The following COL24A1 variants were observed in gnomAD, a reference collection of about 807,000 sequenced individuals.
The protein encoded by COL24A1 is collagen alpha-1(XXIV) chain.
In COL24A1, 224 loss-of-function variants were observed where a neutral mutation model predicts 253.9. The observed-to-expected ratio is 0.88, with a 90% CI of 0.79 to 0.99. COL24A1 has a LOEUF of 0.99. Among genes scored for constraint, COL24A1 ranks in the 50% least tolerant of loss-of-function variants. COL24A1 has a pLI of 0.00. For synonymous variants in COL24A1, 685 were observed against 673.7 expected (o/e 1.02, Z -0.26); for missense variants, 2,131 against 2,068.5 (o/e 1.03, Z -0.59).
chr1:85,861,240 C>T (rs895259042), intron 37 of COL24A1, among the ~76,000 whole-genome samples: 2 of 152,058 alleles, frequency 1.3e-5, no homozygotes, highest in African/African-American at 2.4e-5. Flanking sequence ...TGATATTGAG[C>T]ATCTTTTCAT....
At chr1:85,756,408 G>A (rs1457396240) in intron 55 of COL24A1, among the ~76,000 whole-genome samples, 1 of 151,542 alleles carries the variant, frequency 6.6e-6, no homozygotes, top group Non-Finnish European at 1.5e-5. Flanking sequence ...AACACAGCAA[G>A]AGTCTGTCTC....
chr1:85,892,103 G>A (rs35545564), intron 31 of COL24A1, among the ~76,000 whole-genome samples: 30,034 of 152,016 alleles, frequency 0.2, 3,327 homozygotes, highest in Non-Finnish European at 0.24. Context: ...CAAAGATAGA[G>A]AAACTGAAGC....
At chr1:86,035,859 C>A (rs181983629) in intron 12 of COL24A1, among the ~76,000 whole-genome samples, 1 of 152,158 alleles carries the variant, frequency 6.6e-6, no homozygotes, top group Non-Finnish European at 1.5e-5. Flanking sequence ...TCCCTTGCAT[C>A]CAGTGGGAGA....
intron 24 of COL24A1, among the ~76,000 whole-genome samples, chr1:85,924,793 T>G (rs141607693): frequency 0.015 from 2,293 of 152,270 alleles, 49 homozygotes; most frequent in African/African-American, 0.052. Flanking sequence ...ACCACTCTTA[T>G]TCAGCATAGT....
intron 23 of COL24A1, among the ~76,000 whole-genome samples, chr1:85,961,988 AT>A (rs1691125081): frequency 6.6e-6 from 1 of 152,210 alleles, no homozygotes; most frequent in Non-Finnish European, 1.5e-5. Context: ...TTCTTAAAAA[AT>A]ATTCTCCTAT....
chr1:86,131,157 G>T (rs72945760), intron 2 of COL24A1, among the ~76,000 whole-genome samples: 1 of 152,044 alleles, frequency 6.6e-6, no homozygotes, highest in South Asian at 2.1e-4. Flanking sequence ...TGACTCCGTA[G>T]TTATCAACAT....
chr1:86,134,629 G>C (rs906901289), intron 2 of COL24A1, among the ~76,000 whole-genome samples: 3 of 149,642 alleles, frequency 2.0e-5, no homozygotes, highest in African/African-American at 7.4e-5. Flanking sequence ...TCAGGAGCAG[G>C]TTGTTCAGTT....
At chr1:86,024,839 C>A (rs927915801) in intron 14 of COL24A1, among the ~76,000 whole-genome samples, 2 of 152,096 alleles carry the variant, frequency 1.3e-5, no homozygotes, top group African/African-American at 4.8e-5. Flanking sequence ...AACACACACA[C>A]AAATCTTTCT....
At chr1:86,006,876 C>G (rs565233607) in intron 19 of COL24A1, among the ~76,000 whole-genome samples, 1 of 152,132 alleles carries the variant, frequency 6.6e-6, no homozygotes, top group South Asian at 2.1e-4. Flanking sequence ...AGCATATGAA[C>G]AGATGCTCCA....
chr1:85,855,834 G>A (rs1008968176), intron 37 of COL24A1, among the ~76,000 whole-genome samples: 1 of 152,024 alleles, frequency 6.6e-6, no homozygotes, highest in Non-Finnish European at 1.5e-5. Flanking sequence ...GGGCTTTTCT[G>A]GTTGGTAGGT....
chr1:85,878,953 A>AT (rs999865097), intron 32 of COL24A1, among the ~76,000 whole-genome samples: 9 of 150,976 alleles, frequency 6.0e-5, no homozygotes, highest in South Asian at 2.1e-4. Context: ...TTGAGTTTTA[A>AT]TTTTTTTTTC....
intron 19 of COL24A1, among the ~76,000 whole-genome samples, chr1:86,008,436 G>C (rs982195326): frequency 6.6e-6 from 1 of 151,858 alleles, no homozygotes; most frequent in African/African-American, 2.4e-5. Flanking sequence ...TTGTAGAGAT[G>C]GTGTTTTGCC....
chr1:86,030,336 G>A (rs1318203153), intron 14 of COL24A1: 1 of 152,294 alleles, frequency 6.6e-6, no homozygotes, highest in East Asian at 1.9e-4. Context: ...AACTGGGGTG[G>A]AGAATCAGTG....
intron 12 of COL24A1, among the ~76,000 whole-genome samples, chr1:86,038,054 T>C (rs370292062): frequency 2.6e-5 from 4 of 152,260 alleles, no homozygotes; most frequent in South Asian, 4.1e-4. Flanking sequence ...CAGCATTTTA[T>C]GTCCACCTGT....
At chr1:85,818,640 G>A (rs919784620) in intron 45 of COL24A1, among the ~76,000 whole-genome samples, 16 of 152,206 alleles carry the variant, frequency 1.1e-4, no homozygotes, top group African/African-American at 3.4e-4. Context: ...TTTTCCATGT[G>A]TGAGATGTTT....
intron 37 of COL24A1, among the ~76,000 whole-genome samples, chr1:85,862,739 T>C (rs1204410395): frequency 6.6e-6 from 1 of 152,184 alleles, no homozygotes; most frequent in African/African-American, 2.4e-5. Context: ...ACCATTCAGA[T>C]GATAAAGAGT....
intron 7 of COL24A1, among the ~76,000 whole-genome samples, chr1:86,078,517 T>C (rs1702414586): frequency 6.6e-6 from 1 of 152,148 alleles, no homozygotes; most frequent in Non-Finnish European, 1.5e-5. Flanking sequence ...AGCTAAATTA[T>C]CCTTGTTTGC....
chr1:86,066,860 G>C (rs570271054), intron 7 of COL24A1, among the ~76,000 whole-genome samples: 14 of 152,088 alleles, frequency 9.2e-5, no homozygotes, highest in Non-Finnish European at 2.1e-4. Flanking sequence ...CAGGAAGGCC[G>C]GGCGCAATGG....
At chr1:86,127,573 G>A (rs1160715928) in intron 2 of COL24A1, among the ~76,000 whole-genome samples, 1 of 152,012 alleles carries the variant, frequency 6.6e-6, no homozygotes, top group East Asian at 1.9e-4. Flanking sequence ...AGCATAGTCA[G>A]CTGCATGATC....
Sources: allele counts gnomAD v4.1 joint callset (sites outside exome capture counted in the v4.1 genomes callset), GRCh38; gene constraint gnomAD v4.1.1; transcripts MANE v1.5; gene names NCBI Gene and HGNC (gene_info 2026-07-23, HGNC 2026-07-21).